The following TMEM132B variants were observed in gnomAD, a reference collection of about 807,000 sequenced individuals.
The protein encoded by TMEM132B is transmembrane protein 132B.
Under a neutral mutation model 90.8 loss-of-function variants are expected in TMEM132B, and 18 were observed. The ratio of observed to expected loss-of-function variants is 0.20; its 90% CI spans 0.14 to 0.29. TMEM132B has a LOEUF of 0.29. Among genes scored for constraint, TMEM132B ranks in the 10% least tolerant of loss-of-function variants. The pLI, the probability that TMEM132B is intolerant of heterozygous loss-of-function variation, is 1.00. For synonymous variants in TMEM132B, 504 were observed against 523.3 expected (o/e 0.96, Z 0.50); for missense variants, 1,096 against 1,326.8 (o/e 0.83, Z 2.70).
At chr12:125,384,320 C>T (rs1878768070) in intron 2 of TMEM132B, among the ~76,000 whole-genome samples, 1 of 152,052 alleles carries the variant, frequency 6.6e-6, no homozygotes. Flanking sequence ...TTCTCATGTA[C>T]CCTTAGGGTA....
intron 2 of TMEM132B, among the ~76,000 whole-genome samples, chr12:125,374,633 A>AC (rs986913693): frequency 2.7e-5 from 4 of 150,152 alleles, no homozygotes; most frequent in Admixed American, 6.6e-5. Flanking sequence ...TCTGCCCTGC[A>AC]CCCCCCGACC....
rs552081101 is a variant in TMEM132B at position 125,488,475 on chromosome 12, G to C, written c.1107-30964G>C. On this transcript the variant is annotated intron_variant, in intron 3 of 8. Transcript: ENST00000682704. ...GGTGGGAGGTGATTGGATTATGGGG[G>C]CGGGTCTTTCCTATGCTGTTCTCGT... Among the ~76,000 whole-genome samples the C allele has an allele frequency of 4.6e-5, 7 of 152,230 alleles. No homozygotes were observed. In the South Asian group the frequency reaches 1.5e-3, roughly 32 times the overall value.
intron 4 of TMEM132B, among the ~76,000 whole-genome samples, chr12:125,545,066 C>T (rs944891347): frequency 6.6e-6 from 1 of 152,090 alleles, no homozygotes; most frequent in Admixed American, 6.5e-5. Flanking sequence ...ACTGAGTAAG[C>T]GTGACCTCCA....
chr12:125,253,867 C>T (rs1874370617), intron 1 of TMEM132B, among the ~76,000 whole-genome samples: 1 of 152,152 alleles, frequency 6.6e-6, no homozygotes, highest in Non-Finnish European at 1.5e-5. Context: ...GGTTCTGAAC[C>T]TGGGTCTGAC....
intron 1 of TMEM132B, among the ~76,000 whole-genome samples, chr12:125,248,521 G>C (rs1378510061): frequency 6.6e-6 from 1 of 152,172 alleles, no homozygotes. Flanking sequence ...TATAGCGTTT[G>C]ATAGAGTTTA....
At chr12:125,647,995 T>C (rs1228155370) in intron 6 of TMEM132B, among the ~76,000 whole-genome samples, 1 of 150,220 alleles carries the variant, frequency 6.7e-6, no homozygotes, top group Admixed American at 6.6e-5. Context: ...GCTGGTGTGC[T>C]GCACCCACTA....
At chr12:125,586,168 A>AAAACACTG (rs1163832299) in intron 5 of TMEM132B, 3 of 152,220 alleles carry the variant, frequency 2.0e-5, no homozygotes, top group Non-Finnish European at 4.4e-5. Flanking sequence ...CAGAGTACAG[A>AAAACACTG]AAACACTGAA....
intron 3 of TMEM132B, among the ~76,000 whole-genome samples, chr12:125,511,072 AC>A (rs1214024169): frequency 6.6e-6 from 1 of 151,964 alleles, no homozygotes; most frequent in Non-Finnish European, 1.5e-5. Context: ...TCCCCCACTT[AC>A]CCCAGTCCTT....
chr12:125,622,012 A>G (rs1886125297), intron 5 of TMEM132B, among the ~76,000 whole-genome samples: 1 of 152,226 alleles, frequency 6.6e-6, no homozygotes, highest in African/African-American at 2.4e-5. Flanking sequence ...GATCTCTCTG[A>G]ACATAGTCCT....
Position 125,655,519 on chromosome 12 carries a change from C to T in TMEM132B, c.*809C>T, listed in dbSNP as rs1887038486. The T allele has an allele frequency of 6.6e-6, 1 of 152,216 alleles. No homozygotes were observed. Among genetic ancestry groups the T allele is most frequent in the Non-Finnish European group, 1.5e-5 (1 of 68,034 alleles). 9.4% of individuals were successfully genotyped at this position (152,216 alleles called of 1,614,324 possible). ...ACAGTGAGGGAGGGCCATCTCTTTACTGTTTTCTATGTGAAGTTTCAAACA... is the reference window on the plus strand; with the variant it reads ...ACAGTGAGGGAGGGCCATCTCTTTATTGTTTTCTATGTGAAGTTTCAAACA... On this transcript the variant is annotated 3_prime_UTR_variant, in exon 9 of 9. Coordinates refer to ENST00000682704, the MANE Select transcript of TMEM132B (RefSeq NM_001366854.1).
Position 125,519,597 on chromosome 12 carries a change from C to G in TMEM132B, c.1265C>G (p.Thr422Ser), listed in dbSNP as rs1287834459. 1.2e-6 allele frequency: 2 copies of G among 1,614,064 alleles called. No homozygotes were observed. The highest frequency in any genetic ancestry group is 2.2e-5 in the South Asian group (2 of 91,066). Residue 422 changes from threonine to serine, a missense_variant, in exon 4 of 9, where the codon ACC (threonine) becomes AGC (serine). Physicochemically the swap from Thr to Ser is moderately conservative, Grantham distance 58. Coordinates refer to ENST00000682704, the MANE Select transcript of TMEM132B (RefSeq NM_001366854.1). Reference protein sequence around the residue: ...VVSEIFVSQTTFVGIVPLAMD... With the variant: ...VVSEIFVSQTSFVGIVPLAMD... ...TCCGAGATCTTCGTCAGCCAGACAA[C>G]CTTCGTGGGCATCGTCCCTCTTGCC...
chr12:125,189,656 A>T (rs1055280842), intron 1 of TMEM132B, among the ~76,000 whole-genome samples: 1 of 152,030 alleles, frequency 6.6e-6, no homozygotes, highest in African/African-American at 2.4e-5. Context: ...CCCAGAGTAA[A>T]TCATTTCATC....
intron 1 of TMEM132B, chr12:125,326,519 C>T (rs1165501496): frequency 9.1e-6 from 12 of 1,320,302 alleles, no homozygotes; most frequent in African/African-American, 3.0e-5. Context: ...TAGTAAACAT[C>T]GGCTTAATGC....
At chr12:125,572,900 G>A (rs1884834711) in intron 4 of TMEM132B, among the ~76,000 whole-genome samples, 1 of 152,280 alleles carries the variant, frequency 6.6e-6, no homozygotes, top group African/African-American at 2.4e-5. Context: ...TTATTCTACA[G>A]ATTATAATTG....
intron 1 of TMEM132B, among the ~76,000 whole-genome samples, chr12:125,237,278 G>C (rs866852384): frequency 6.6e-6 from 1 of 152,216 alleles, no homozygotes; most frequent in South Asian, 2.1e-4. Context: ...CTGTGGCTTT[G>C]CTGCTGCCAC....
rs1879597874 is a variant in TMEM132B, at chr12:125,408,882, T to A, written c.960-6649T>A. Among the ~76,000 whole-genome samples the A allele has an allele frequency of 6.6e-6, 1 of 152,190 alleles. No individual in the cohort carries two copies. Among genetic ancestry groups the A allele is most frequent in the Non-Finnish European group, 1.5e-5 (1 of 68,042 alleles). ...CTCCATGACCAGGCCACCATTTGCT[T>A]TTTTCTCTCTTTTCAGTTTAGCCAT... On this transcript the variant is annotated intron_variant, in intron 2 of 8. Coordinates refer to ENST00000682704, the MANE Select transcript of TMEM132B (RefSeq NM_001366854.1). This position sits in a 1 kb window ranked among gnomAD's most constrained non-coding sequence, Gnocchi z 5.9.
intron 1 of TMEM132B, among the ~76,000 whole-genome samples, chr12:125,200,324 T>C (rs1873026167): frequency 6.6e-6 from 1 of 152,232 alleles, no homozygotes; most frequent in South Asian, 2.1e-4. Context: ...TCTCAAGAGG[T>C]AATCAATTGT....
At chr12:125,648,307 T>G (rs982624320) in intron 6 of TMEM132B, among the ~76,000 whole-genome samples, 2 of 152,096 alleles carry the variant, frequency 1.3e-5, no homozygotes, top group African/African-American at 4.8e-5. Flanking sequence ...CTATCATTGT[T>G]GGACATTTGG....
chr12:125,237,288 C>T (rs1311105635), intron 1 of TMEM132B, among the ~76,000 whole-genome samples: 3 of 152,142 alleles, frequency 2.0e-5, no homozygotes, highest in African/African-American at 7.2e-5. Context: ...GCTGCTGCCA[C>T]TGGCTCACCC....
Sources: allele counts gnomAD v4.1 joint callset (sites outside exome capture counted in the v4.1 genomes callset), GRCh38; gene constraint gnomAD v4.1.1; non-coding constraint Gnocchi (gnomAD v3.1); transcripts MANE v1.5; gene names NCBI Gene and HGNC (gene_info 2026-07-23, HGNC 2026-07-21).